Variants in GRIK1 observed in about 807,000 individuals in gnomAD.
GRIK1 encodes glutamate ionotropic receptor kainate type subunit 1.
A neutral mutation model predicts 105.7 loss-of-function variants in GRIK1; 69 were observed. That is an observed-to-expected ratio of 0.65 (90% CI 0.54 to 0.80). The LOEUF (loss-of-function observed/expected upper bound fraction) is 0.80. GRIK1 is among the 30% of genes least tolerant of loss of function. The pLI is 0.00. For missense variants in GRIK1, 1,109 were observed against 1,167.3 expected (o/e 0.95, Z 0.73); for synonymous variants, 438 against 431.3 (o/e 1.02, Z -0.19).
At chr21:29,911,365 T>C (rs538163188) in intron 1 of GRIK1, among the ~76,000 whole-genome samples, 1 of 152,176 alleles carries the variant, frequency 6.6e-6, no homozygotes, top group Non-Finnish European at 1.5e-5. Context: ...GGTACTGCGA[T>C]GAATCATTGA....
At chr21:29,888,557 C>G (rs2069766221) in intron 1 of GRIK1, among the ~76,000 whole-genome samples, 1 of 151,722 alleles carries the variant, frequency 6.6e-6, no homozygotes, top group Non-Finnish European at 1.5e-5. Flanking sequence ...AGGTGTGAGC[C>G]ATTCACCCGG....
At chr21:29,706,695 C>T (rs1390968851) in intron 1 of GRIK1, among the ~76,000 whole-genome samples, 1 of 152,178 alleles carries the variant, frequency 6.6e-6, no homozygotes, top group Non-Finnish European at 1.5e-5. Flanking sequence ...AAATAAAGGA[C>T]AGTTAAACAT....
At chr21:29,938,095 A>G (rs548596014) in intron 1 of GRIK1, among the ~76,000 whole-genome samples, 7 of 152,336 alleles carry the variant, frequency 4.6e-5, no homozygotes, top group Admixed American at 1.3e-4. Flanking sequence ...TGATTAAAAA[A>G]TAAAACCTAG....
intron 12 of GRIK1, among the ~76,000 whole-genome samples, chr21:29,584,233 A>G (rs572337098): frequency 3.9e-5 from 6 of 152,310 alleles, no homozygotes; most frequent in South Asian, 2.1e-4. Context: ...TCAAGGGAGA[A>G]TGCTCTATTG....
chr21:29,915,752 C>T (rs2070974123), intron 1 of GRIK1, among the ~76,000 whole-genome samples: 1 of 151,958 alleles, frequency 6.6e-6, no homozygotes, highest in African/African-American at 2.4e-5. Flanking sequence ...TTCTGAAATG[C>T]AATAGTGTTA....
chr21:29,791,522 T>C (rs1469814101), intron 1 of GRIK1, among the ~76,000 whole-genome samples: 1 of 151,864 alleles, frequency 6.6e-6, no homozygotes, highest in Non-Finnish European at 1.5e-5. Context: ...GGGGGGAATT[T>C]AAATAGTATA....
intron 1 of GRIK1, among the ~76,000 whole-genome samples, chr21:29,694,856 T>C (rs2063663859): frequency 6.6e-6 from 1 of 152,246 alleles, no homozygotes. Flanking sequence ...TGTTAGATTT[T>C]TCAAGATAAA....
At chr21:29,832,041 G>A (rs752555878) in intron 1 of GRIK1, among the ~76,000 whole-genome samples, 5 of 152,104 alleles carry the variant, frequency 3.3e-5, no homozygotes, top group Non-Finnish European at 7.4e-5. Flanking sequence ...GAAACAAAAG[G>A]GCTACAGGCC....
intron 3 of GRIK1, among the ~76,000 whole-genome samples, chr21:29,677,430 A>G (rs1299457722): frequency 1.3e-5 from 2 of 152,220 alleles, no homozygotes; most frequent in African/African-American, 4.8e-5. Context: ...AGCTCTGCAT[A>G]TAGATACAAC....
At chr21:29,552,320 T>C (rs1320343104) in intron 16 of GRIK1, among the ~76,000 whole-genome samples, 1 of 152,154 alleles carries the variant, frequency 6.6e-6, no homozygotes, top group African/African-American at 2.4e-5. Flanking sequence ...TTCAACTCTC[T>C]TATTCACTAG....
At chr21:29,607,589 A>C (rs1378972831) in intron 7 of GRIK1, among the ~76,000 whole-genome samples, 1 of 152,204 alleles carries the variant, frequency 6.6e-6, no homozygotes, top group Non-Finnish European at 1.5e-5. Flanking sequence ...AATTGCTTGT[A>C]TGTAAAAATG....
intron 1 of GRIK1, among the ~76,000 whole-genome samples, chr21:29,738,205 G>A (rs959041679): frequency 2.0e-5 from 3 of 152,232 alleles, no homozygotes; most frequent in African/African-American, 7.2e-5. Context: ...TGCTGATAGT[G>A]ACTCACTTGT....
At position 29,854,206 on chromosome 21, in the gene GRIK1, G is replaced by T. The variant is rs139804833; in HGVS notation, c.118+85177C>A. Among the ~76,000 whole-genome samples, 32 of 152,286 alleles carry T rather than the reference G, an allele frequency of 2.1e-4. 1 individual carries two copies. The highest frequency in any genetic ancestry group is 7.7e-4 in the African/African-American group (32 of 41,558). ...ACATGGCAAGAGAGGAGGAAAGAGA[G>T]AGAGAGAAGCGAGTGGGGCTGCGCT... On this transcript the variant is annotated intron_variant, in intron 1 of 17. Transcript: ENST00000327783.
intron 4 of GRIK1, among the ~76,000 whole-genome samples, chr21:29,672,324 T>A (rs1601419325): frequency 1.3e-5 from 2 of 152,150 alleles, no homozygotes; most frequent in East Asian, 3.9e-4. Context: ...TCCCAATGAA[T>A]TTACTTTCTT....
At chr21:29,659,590 T>G (rs527905795) in intron 4 of GRIK1, among the ~76,000 whole-genome samples, 1 of 152,294 alleles carries the variant, frequency 6.6e-6, no homozygotes, top group East Asian at 1.9e-4. Context: ...ACAAGACTAT[T>G]CCATTGTTCC....
At chr21:29,723,397 T>C (rs1296574462) in intron 1 of GRIK1, among the ~76,000 whole-genome samples, 1 of 152,256 alleles carries the variant, frequency 6.6e-6, no homozygotes, top group East Asian at 1.9e-4. Flanking sequence ...GCTTTCATCA[T>C]GCTTTACAGA....
At chr21:29,882,752 A>C (rs1323838457) in intron 1 of GRIK1, among the ~76,000 whole-genome samples, 7 of 152,126 alleles carry the variant, frequency 4.6e-5, no homozygotes, top group African/African-American at 1.7e-4. Context: ...GAGTAATTGA[A>C]TGAGCCTGGA....
At chr21:29,829,163 C>T (rs181039438) in intron 1 of GRIK1, among the ~76,000 whole-genome samples, 149 of 152,246 alleles carry the variant, frequency 9.8e-4, no homozygotes, top group African/African-American at 3.5e-3. Flanking sequence ...TAGGTAAAAA[C>T]GGCATGCATT....
chr21:29,826,997 T>C (rs541194431), intron 1 of GRIK1, among the ~76,000 whole-genome samples: 1 of 152,096 alleles, frequency 6.6e-6, no homozygotes, highest in Non-Finnish European at 1.5e-5. Flanking sequence ...ACACATTAAG[T>C]AGTCTTTGTG....
Sources: allele counts gnomAD v4.1 joint callset (sites outside exome capture counted in the v4.1 genomes callset), GRCh38; gene constraint gnomAD v4.1.1; transcripts MANE v1.5; gene names NCBI Gene and HGNC (gene_info 2026-07-23, HGNC 2026-07-21).